LRRC15: variants seen among roughly 807,000 people sequenced by gnomAD.
LRRC15 encodes the protein leucine-rich repeat-containing protein 15.
In LRRC15, 5 loss-of-function variants were observed where a neutral mutation model predicts 4.3. The ratio of observed to expected loss-of-function variants is 1.16; its 90% CI spans 0.61 to 2.44. The LOEUF is 2.44. LRRC15 is among the 30% of genes most tolerant of loss of function. LRRC15 has a pLI of 0.01. For missense variants in LRRC15, 769 were observed against 747.0 expected, an observed-to-expected ratio of 1.03 and a Z score of -0.34; for synonymous variants, 337 against 323.2, an observed-to-expected ratio of 1.04 and a Z score of -0.46.
Position 194,360,662 on chromosome 3 carries a change from C to T in LRRC15, c.382G>A (p.Glu128Lys), listed in dbSNP as rs1244976767. 8.1e-6 allele frequency: 13 copies of T among 1,614,158 alleles called. No homozygotes were observed. Among genetic ancestry groups the T allele is most frequent in the African/African-American group, 1.3e-5 (1 of 75,034 alleles). Reference sequence around the variant, plus strand: ...TGGTTACTGGACAGAAGGAGAGACTCGAGGCTGTCCAGGCCCTGGAAGAGG... The same window carrying T: ...TGGTTACTGGACAGAAGGAGAGACTTGAGGCTGTCCAGGCCCTGGAAGAGG... Reference protein sequence around the residue: ...IGLFQGLDSLESLLLSSNQLL... With the variant: ...IGLFQGLDSLKSLLLSSNQLL... The change falls in exon 2 of 2, where the codon GAG (glutamate) becomes AAG (lysine). Residue 128 changes from glutamate (E) to lysine (K), a missense_variant. Physicochemically the swap from Glu to Lys is moderately conservative, Grantham distance 56 (BLOSUM62 1). Coordinates refer to ENST00000347624, the MANE Select transcript of LRRC15 (RefSeq NM_130830.5).
intron 1 of LRRC15, among the ~76,000 whole-genome samples, chr3:194,363,172 C>G (rs958740600): frequency 6.6e-6 from 1 of 152,056 alleles, no homozygotes; most frequent in African/African-American, 2.4e-5. Flanking sequence ...ATCTCCTGAC[C>G]TCGTGATCTG....
chr3:194,368,892 A>G (rs960168481), intron 1 of LRRC15, among the ~76,000 whole-genome samples: 2 of 152,156 alleles, frequency 1.3e-5, no homozygotes, highest in Non-Finnish European at 2.9e-5. Flanking sequence ...TTTCAAATCC[A>G]CATACCACCT....
At chr3:194,364,872 T>G (rs12487327) in intron 1 of LRRC15, among the ~76,000 whole-genome samples, 65,813 of 152,142 alleles carry the variant, frequency 0.43, 16,195 homozygotes, top group African/African-American at 0.65. Flanking sequence ...GCCTCCAAAG[T>G]GCTCCCCTGA....
chr3:194,360,712 T>C lies in LRRC15; in HGVS notation c.332A>G (p.Asn111Ser), dbSNP rs1371859623. Residue 111 changes from asparagine (N) to serine (S), a missense_variant, in exon 2 of 2, where the codon AAC becomes AGC. Transcript: ENST00000347624. ...GSLRYLSLAN[N>S]KLQVLPIGLF... ...GCCGATGGGCAGAACCTGCAGCTTG[T>C]TGTTGGCGAGGCTGAGATAGCGCAG... The C allele has an allele frequency of 6.2e-7, 1 of 1,614,038 alleles. No homozygotes were observed. Among genetic ancestry groups the C allele is most frequent in the African/African-American group, 1.3e-5 (1 of 74,908 alleles).
chr3:194,368,995 C>A (rs2108661449), intron 1 of LRRC15, among the ~76,000 whole-genome samples: 1 of 152,338 alleles, frequency 6.6e-6, no homozygotes, highest in South Asian at 2.1e-4. Context: ...GGGAAACTGC[C>A]AGCATAGTGT....
chr3:194,361,898 G>A (rs147508792), intron 1 of LRRC15, among the ~76,000 whole-genome samples: 29 of 152,326 alleles, frequency 1.9e-4, no homozygotes, highest in African/African-American at 6.5e-4. Flanking sequence ...GTCCTGCCTC[G>A]CTGGGAGAGG....
chr3:194,363,515 T>C (rs377066751), intron 1 of LRRC15: 2 of 484,390 alleles, frequency 4.1e-6, no homozygotes, highest in Non-Finnish European at 7.5e-6. Context: ...TGGCTCAATA[T>C]TCACCCTAGG....
chr3:194,365,401 G>T (rs1022886832), intron 1 of LRRC15, among the ~76,000 whole-genome samples: 2 of 152,134 alleles, frequency 1.3e-5, no homozygotes, highest in African/African-American at 4.8e-5. Context: ...GGGTTGGGAC[G>T]TTTTTGGTTT....
chr3:194,360,450 G>A lies in LRRC15; in HGVS notation c.594C>T (p.Asn198=), dbSNP rs11715737. 344,867 of 1,613,884 alleles carry A rather than the reference G, an allele frequency of 0.21. 39,705 individuals carry two copies. Among genetic ancestry groups the A allele is most frequent in the Non-Finnish European group, 0.24 (282,937 of 1,179,870 alleles). ...TCTCATACAGCCGGAGGACCTGGAG[G>A]TTGCCCAGGTGCTGGAAGACCCTGG... ...ISPRVFQHLG[N]LQVLRLYENR... The change falls in exon 2 of 2, where the codon AAC becomes AAT. Residue 198 remains asparagine, a synonymous_variant. Coordinates refer to ENST00000347624, the MANE Select transcript of LRRC15 (RefSeq NM_130830.5).
At chr3:194,364,108 G>A (rs1713711181) in intron 1 of LRRC15, among the ~76,000 whole-genome samples, 1 of 152,130 alleles carries the variant, frequency 6.6e-6, no homozygotes, top group African/African-American at 2.4e-5. Context: ...CAATCACTTG[G>A]CAAGCAAGCT....
rs1713495260 is a variant in LRRC15, at chr3:194,358,418, C to T, written c.*880G>A. The T allele has an allele frequency of 6.6e-6, 1 of 152,234 alleles. No individual in the cohort carries two copies. The highest frequency in any genetic ancestry group is 2.4e-5 in the African/African-American group (1 of 41,460). 9.4% of individuals were successfully genotyped at this position (152,234 alleles called of 1,614,324 possible). A position where few individuals can be genotyped will look rare whatever the true frequency, so the allele number is the denominator to read the frequency against. On this transcript the variant is annotated 3_prime_UTR_variant, in exon 2 of 2. Transcript: ENST00000347624. ...CTCTAGGGGTGAACACAGGGACCCC[C>T]AGGCACCAGATTTCTTTCTCTATCC...
chr3:194,368,869 G>A (rs1713861165), intron 1 of LRRC15, among the ~76,000 whole-genome samples: 2 of 152,206 alleles, frequency 1.3e-5, no homozygotes, highest in Admixed American at 1.3e-4. Flanking sequence ...GGGTCAAGGT[G>A]CAGCCGTCAC....
In LRRC15 at chr3:194,360,770, T is replaced by A. The variant is rs1270334540; in HGVS notation, c.274A>T (p.Ile92Phe). Residue 92 changes from isoleucine (I) to phenylalanine (F), a missense_variant, in exon 2 of 2, where the codon ATC becomes TTC. Coordinates refer to ENST00000347624, the MANE Select transcript of LRRC15 (RefSeq NM_130830.5). The part of the protein sequence containing the change: ...LRIEKNELSR[I>F]TPGAFRNLGS... ...AGGTTTCGGAAGGCCCCAGGCGTGATGCGCGACAGCTCATTCTTCTCAATC... is the reference window on the plus strand; with the variant it reads ...AGGTTTCGGAAGGCCCCAGGCGTGAAGCGCGACAGCTCATTCTTCTCAATC... 1.2e-6 allele frequency: 2 copies of A among 1,614,206 alleles called. No individual in the cohort carries two copies. Among genetic ancestry groups the A allele is most frequent in the Non-Finnish European group, 1.7e-6 (2 of 1,180,024 alleles).
chr3:194,364,130 T>TC (rs1713711814), intron 1 of LRRC15, among the ~76,000 whole-genome samples: 1 of 152,104 alleles, frequency 6.6e-6, no homozygotes, highest in Non-Finnish European at 1.5e-5. Context: ...TAGAGAAGAC[T>TC]CCCATGCCTG....
chr3:194,364,378 CA>C (rs1713717968), intron 1 of LRRC15, among the ~76,000 whole-genome samples: 1 of 152,188 alleles, frequency 6.6e-6, no homozygotes, highest in Non-Finnish European at 1.5e-5. Context: ...CTCCTGGAGA[CA>C]AGCTGGCTGG....
At chr3:194,363,496 C>CA (rs1377970849) in intron 1 of LRRC15, 11 of 499,318 alleles carry the variant, frequency 2.2e-5, no homozygotes, top group Non-Finnish European at 3.6e-5. Flanking sequence ...CAGAATACAC[C>CA]AAAAAAAGTG....
chr3:194,360,013 C>T lies in LRRC15; in HGVS notation c.1031G>A (p.Arg344Gln), dbSNP rs767913133. 4.3e-6 allele frequency: 7 copies of T among 1,614,050 alleles called. No individual in the cohort carries two copies. Among genetic ancestry groups the T allele is most frequent in the Admixed American group, 1.7e-5 (1 of 60,004 alleles). Residue 344 changes from arginine (R) to glutamine (Q), a missense_variant, in exon 2 of 2, where the codon CGG (arginine) becomes CAG (glutamine). Physicochemically the swap from Arg to Gln is conservative, Grantham distance 43. Coordinates refer to ENST00000347624, the MANE Select transcript of LRRC15 (RefSeq NM_130830.5). Reference protein sequence around the residue: ...PGAFNGLTELRELSLHTNALQ... With the variant: ...PGAFNGLTELQELSLHTNALQ... ...TGCGTTGGTGTGGAGGGACAGCTCC[C>T]GAAGCTCCGTTAGCCCGTTGAAGGC...
rs750314528 is a variant in LRRC15 at position 194,360,870 on chromosome 3, C to A, written c.174G>T (p.Leu58=). ...CAGTGATGTGCGTGTTGAGGATCTG[C>A]AGGCTCATGGCGTTCCAGGGCAGAG... ...PTPLPWNAMS[L]QILNTHITEL... The change falls in exon 2 of 2, where the codon CTG becomes CTT. Residue 58 remains leucine (L), a synonymous_variant. Transcript: ENST00000347624. 4.3e-6 allele frequency: 7 copies of A among 1,609,214 alleles called. No individual in the cohort carries two copies. The highest frequency in any genetic ancestry group is 2.2e-5 in the South Asian group (2 of 90,736).
chr3:194,363,866 G>C (rs149541218), intron 1 of LRRC15, among the ~76,000 whole-genome samples: 1 of 152,256 alleles, frequency 6.6e-6, no homozygotes, highest in African/African-American at 2.4e-5. Context: ...TGAAGGAGCT[G>C]TGGATGAATA....
Sources: gnomAD v4.1 joint callset for allele counts (sites outside exome capture counted in the v4.1 genomes callset) on GRCh38, gnomAD v4.1.1 for gene constraint, MANE v1.5 for transcripts, NCBI Gene and HGNC (gene_info 2026-07-23, HGNC 2026-07-21) for gene names.